NAA15: variants seen among roughly 807,000 people sequenced by gnomAD.
The protein encoded by NAA15 is N-terminal acetyltransferase.
A neutral mutation model predicts 114.0 loss-of-function variants in NAA15; 34 were observed. The ratio of observed to expected loss-of-function variants is 0.30; its 90% CI spans 0.23 to 0.40. The LOEUF (loss-of-function observed/expected upper bound fraction) is 0.40, where lower values mean the gene tolerates loss of function less well. Among genes scored for constraint, NAA15 ranks in the 10% least tolerant of loss-of-function variants. NAA15 has a pLI of 1.00. For missense variants in NAA15, 658 were observed against 1,004.5 expected (o/e 0.66, Z 4.66); for synonymous variants, 340 against 338.0 (o/e 1.01, Z -0.06).
intron 1 of NAA15, among the ~76,000 whole-genome samples, chr4:139,330,674 G>A (rs979424289): frequency 2.0e-5 from 3 of 152,086 alleles, no homozygotes; most frequent in African/African-American, 7.2e-5. Context: ...TTTTGGGCGA[G>A]AAAAATCAGT....
chr4:139,359,906 C>T lies in NAA15; in HGVS notation c.1410+11C>T. On this transcript the variant is annotated intron_variant, in intron 12 of 19. Coordinates refer to ENST00000296543, the MANE Select transcript of NAA15 (RefSeq NM_057175.5). ...TCAAAGTTTACAAGGGTTTGTACAG[C>T]TAGTGTTCTTAATTATGAATAAAGA... 6.4e-7 allele frequency: 1 copy of T among 1,560,008 alleles called. No homozygotes were observed. The highest frequency in any genetic ancestry group is 8.6e-7 in the Non-Finnish European group (1 of 1,163,138).
Position 139,390,746 on chromosome 4 carries a change from C to T in NAA15, c.*2662C>T, listed in dbSNP as rs549752279. 1.3e-5 allele frequency: 2 copies of T among 152,182 alleles called. No individual in the cohort carries two copies. The highest frequency in any genetic ancestry group is 2.1e-4 in the South Asian group (1 of 4,836). 9.4% of individuals were successfully genotyped at this position (152,182 alleles called of 1,614,324 possible). A position where few individuals can be genotyped will look rare whatever the true frequency, so the allele number is the denominator to read the frequency against. ...ATATATTTTCAACATTTTTCTGTAT[C>T]GTATTTATTATGCACAAAAATAAAG... On this transcript the variant is annotated 3_prime_UTR_variant, in exon 20 of 20. Transcript: ENST00000296543.
intron 14 of NAA15, among the ~76,000 whole-genome samples, chr4:139,369,809 A>T (rs1748384094): frequency 6.7e-6 from 1 of 150,284 alleles, no homozygotes; most frequent in Non-Finnish European, 1.5e-5. Context: ...ATATTTTTTT[A>T]AATTTGTTTT....
At chr4:139,384,346 C>A (rs745330183) in intron 17 of NAA15, among the ~76,000 whole-genome samples, 1 of 152,112 alleles carries the variant, frequency 6.6e-6, no homozygotes, top group Non-Finnish European at 1.5e-5. Context: ...GACGTGGTAG[C>A]TTGCACCTGT....
intron 18 of NAA15, among the ~76,000 whole-genome samples, chr4:139,385,911 T>C (rs1311612811): frequency 2.0e-5 from 3 of 152,214 alleles, no homozygotes; most frequent in East Asian, 3.8e-4. Context: ...TGGGTAGATA[T>C]ATGTGGTATA....
chr4:139,308,046 C>G (rs1010599192), intron 1 of NAA15, among the ~76,000 whole-genome samples: 6 of 152,070 alleles, frequency 3.9e-5, no homozygotes, highest in African/African-American at 1.4e-4. Context: ...ATTGCATGCT[C>G]TGCCTCCCGG....
chr4:139,348,221 A>G (rs1245573189), intron 6 of NAA15, among the ~76,000 whole-genome samples: 1 of 152,162 alleles, frequency 6.6e-6, no homozygotes, highest in East Asian at 1.9e-4. Flanking sequence ...TGGGAGGCCA[A>G]GGTGGGTGGA....
chr4:139,309,192 A>C (rs1746130291), intron 1 of NAA15, among the ~76,000 whole-genome samples: 1 of 151,132 alleles, frequency 6.6e-6, no homozygotes, highest in African/African-American at 2.4e-5. Flanking sequence ...TACTAAAAAT[A>C]CGAAACTTAG....
intron 6 of NAA15, among the ~76,000 whole-genome samples, chr4:139,345,249 C>T (rs1747542784): frequency 6.6e-6 from 1 of 152,178 alleles, no homozygotes; most frequent in South Asian, 2.1e-4. Context: ...TTGTGAACTG[C>T]AGATCCAAGA....
At chr4:139,345,645 G>A (rs533221780) in intron 6 of NAA15, among the ~76,000 whole-genome samples, 4 of 152,306 alleles carry the variant, frequency 2.6e-5, no homozygotes, top group Admixed American at 2.0e-4. Context: ...CTGAGGCCGG[G>A]CGCGGTGGCT....
At chr4:139,365,781 G>A (rs1748262488) in intron 14 of NAA15, among the ~76,000 whole-genome samples, 1 of 152,182 alleles carries the variant, frequency 6.6e-6, no homozygotes, top group Admixed American at 6.5e-5. Context: ...AGCCCTGGAA[G>A]TCAGAGCTGC....
At chr4:139,384,739 A>G in intron 17 of NAA15, 93 bp from the exon 18 acceptor site, 1 of 842,380 alleles carries the variant, frequency 1.2e-6, no homozygotes, top group Middle Eastern at 4.0e-4. Context: ...TGGGTGATAG[A>G]GCAAGACCCT....
intron 1 of NAA15, among the ~76,000 whole-genome samples, chr4:139,320,445 A>T (rs144031676): frequency 2.0e-5 from 3 of 152,312 alleles, no homozygotes; most frequent in African/African-American, 7.2e-5. Context: ...AGGGATTCAT[A>T]AACAACTTTG....
At chr4:139,349,208 G>A (rs571346647) in intron 6 of NAA15, among the ~76,000 whole-genome samples, 17 of 152,204 alleles carry the variant, frequency 1.1e-4, no homozygotes, top group African/African-American at 3.4e-4. Flanking sequence ...GAATCTGGCC[G>A]GGCATTGGAC....
At chr4:139,383,134 A>G (rs1014582157) in intron 17 of NAA15, among the ~76,000 whole-genome samples, 1 of 152,198 alleles carries the variant, frequency 6.6e-6, no homozygotes, top group South Asian at 2.1e-4. Flanking sequence ...TCCCAGCCAT[A>G]AGGAAAATCT....
intron 2 of NAA15, among the ~76,000 whole-genome samples, chr4:139,336,634 A>G (rs937077818): frequency 6.6e-6 from 1 of 152,164 alleles, no homozygotes; most frequent in African/African-American, 2.4e-5. Flanking sequence ...TCTCTTTCCA[A>G]TAATAGAGTC....
intron 1 of NAA15, among the ~76,000 whole-genome samples, chr4:139,326,968 G>C (rs13135372): frequency 0.27 from 40,412 of 151,920 alleles, 5,687 homozygotes; most frequent in African/African-American, 0.35. Context: ...GAGTCTCTCT[G>C]TGTCTTGCCC....
At chr4:139,326,951 T>A (rs13117349) in intron 1 of NAA15, among the ~76,000 whole-genome samples, 20,866 of 152,194 alleles carry the variant, frequency 0.14, 1,761 homozygotes, top group Non-Finnish European at 0.19. Context: ...TTCCTTTTTT[T>A]GAAACAGAGT....
At chr4:139,316,191 A>G (rs987540611) in intron 1 of NAA15, among the ~76,000 whole-genome samples, 1 of 151,780 alleles carries the variant, frequency 6.6e-6, no homozygotes, top group African/African-American at 2.4e-5. Context: ...TTGTGAAACA[A>G]TTTCTTAAAT....
Sources: allele counts gnomAD v4.1 joint callset (sites outside exome capture counted in the v4.1 genomes callset), GRCh38; gene constraint gnomAD v4.1.1; transcripts MANE v1.5; gene names NCBI Gene and HGNC (gene_info 2026-07-23, HGNC 2026-07-21).